SART3: variants seen among roughly 807,000 people sequenced by gnomAD.
SART3 encodes spliceosome associated factor 3, U4/U6 recycling protein, also known as HIV-1 Tat-interacting protein of 110kDa.
In SART3, 44 loss-of-function variants were observed where a neutral mutation model predicts 122.3. The observed-to-expected ratio is 0.36, with a 90% CI of 0.28 to 0.46. The LOEUF (loss-of-function observed/expected upper bound fraction) is 0.46. Ranked by LOEUF, SART3 falls within the 20% of genes least tolerant of loss-of-function variation. The probability of loss-of-function intolerance (pLI) is 1.00; values close to 1 mark genes in which losing one functional copy is unlikely to be tolerated. For missense variants in SART3, 1,101 were observed against 1,229.0 expected (o/e 0.90, Z 1.56); for synonymous variants, 442 against 454.0 (o/e 0.97, Z 0.34).
intron 12 of SART3, among the ~76,000 whole-genome samples, chr12:108,533,748 C>T (rs1020179527): frequency 3.3e-5 from 5 of 152,116 alleles, no homozygotes; most frequent in African/African-American, 1.2e-4. Context: ...TGAAATATGT[C>T]AACATTGGAA....
rs1008612212 is a variant in SART3, at chr12:108,537,600, A to G, written c.1202-5T>C. ...TCAAAGCTTTCTCGAAGGTTACTGGAGTTGGAGAAAAGTCAGGATTTGTTA... is the reference window on the plus strand; with the variant it reads ...TCAAAGCTTTCTCGAAGGTTACTGGGGTTGGAGAAAAGTCAGGATTTGTTA... On this transcript the variant is annotated splice_region_variant and splice_polypyrimidine_tract_variant and intron_variant, in intron 8 of 18. Coordinates refer to ENST00000546815, the MANE Select transcript of SART3 (RefSeq NM_014706.4). 20 of 1,612,146 alleles carry G rather than the reference A, an allele frequency of 1.2e-5. No individual in the cohort carries two copies. Among genetic ancestry groups the G allele is most frequent in the East Asian group, 4.5e-5 (2 of 44,854 alleles).
At position 108,525,511 on chromosome 12, in the gene SART3, A is replaced by G; in HGVS notation, c.2469T>C (p.Ala823=). 6.2e-7 allele frequency: 1 copy of G among 1,614,188 alleles called. No individual in the cohort carries two copies. The highest frequency in any genetic ancestry group is 8.5e-7 in the Non-Finnish European group (1 of 1,180,030). ...TKEELEEICK[A]HGTVKDLRLV... ...GCCTGAGGTCCTTCACGGTGCCATGAGCCTTACAGATTTCTTCTAGTTCCT... is the reference window on the plus strand; with the variant it reads ...GCCTGAGGTCCTTCACGGTGCCATGGGCCTTACAGATTTCTTCTAGTTCCT... The change falls in exon 17 of 19, where the codon GCT becomes GCC. Residue 823 remains alanine (A), a synonymous_variant. Coordinates refer to ENST00000546815, the MANE Select transcript of SART3 (RefSeq NM_014706.4).
chr12:108,543,290 A>G (rs965674395), intron 5 of SART3, 138 bp from the exon 6 acceptor site: 2 of 1,018,912 alleles, frequency 2.0e-6, no homozygotes, highest in Non-Finnish European at 2.9e-6. Context: ...TCAAATTCTG[A>G]TTTCTGCTGA....
At chr12:108,536,631 GA>G (rs1328420366) in intron 10 of SART3, 59 bp from the exon 11 acceptor site, 2 of 1,609,164 alleles carry the variant, frequency 1.2e-6, no homozygotes, top group African/African-American at 1.3e-5. Flanking sequence ...GTCGCTGGCT[GA>G]AAAGGTACAT....
At chr12:108,531,874 G>A (rs1053799896) in intron 13 of SART3, 2 of 352,014 alleles carry the variant, frequency 5.7e-6, no homozygotes, top group Non-Finnish European at 1.1e-5. Flanking sequence ...GCAATGTTAA[G>A]AGACATTTCT....
Position 108,548,011 on chromosome 12 carries a change from C to T in SART3, c.440-20G>A, listed in dbSNP as rs745350295. The T allele has an allele frequency of 3.1e-6, 5 of 1,599,500 alleles. No homozygotes were observed. Among genetic ancestry groups the T allele is most frequent in the Non-Finnish European group, 4.3e-6 (5 of 1,169,968 alleles). On this transcript the variant is annotated intron_variant, in intron 2 of 18. Coordinates refer to ENST00000546815, the MANE Select transcript of SART3 (RefSeq NM_014706.4). ...AGAGCTCTACGAGACAAAAATACTT[C>T]CCGCATTAATACCAAAGGGTAGGCT... is the stretch of plus-strand genomic sequence containing the variant.
intron 12 of SART3, among the ~76,000 whole-genome samples, chr12:108,534,552 C>G (rs558114797): frequency 6.6e-6 from 1 of 151,420 alleles, no homozygotes; most frequent in Non-Finnish European, 1.5e-5. Flanking sequence ...TGGTGGTGCA[C>G]GCCTGTAATC....
intron 2 of SART3, among the ~76,000 whole-genome samples, chr12:108,548,192 T>C (rs1383075838): frequency 6.6e-6 from 1 of 152,200 alleles, no homozygotes; most frequent in African/African-American, 2.4e-5. Flanking sequence ...AAAATCATAA[T>C]ATCCTCCACC....
rs371173853 is a variant in SART3, at chr12:108,545,140, C to A, written c.728G>T (p.Arg243Leu). Residue 243 changes from arginine to leucine, a missense_variant and splice_region_variant, in exon 4 of 19, where the codon CGG becomes CTG. Around this residue, in one of 2 missense-constraint regions of SART3, gnomAD observed 885 missense variants for 1,080.1 expected, o/e 0.82. Transcript: ENST00000546815. ...EFESAIVEAA[R>L]LEKVHSLFRR... ...TCAGAGACAACCACAGGTACTCACCCGAGCAGCTTCCACAATCGCACTTTC... is the reference window on the plus strand; with the variant it reads ...TCAGAGACAACCACAGGTACTCACCAGAGCAGCTTCCACAATCGCACTTTC... 3.7e-6 allele frequency: 6 copies of A among 1,613,920 alleles called. No individual in the cohort carries two copies. In the Admixed American group the frequency reaches 5.0e-5, roughly 13 times the overall value.
At position 108,546,778 on chromosome 12, in the gene SART3, C is replaced by G. The variant is rs570822257; in HGVS notation, c.544+1109G>C. ...TCAAGGGATCCGCCTGCCTCAGTCT[C>G]CCAAACTGCTGGGATTATAGGCATA... On this transcript the variant is annotated intron_variant, in intron 3 of 18. Transcript: ENST00000546815. Among the ~76,000 whole-genome samples the G allele has an allele frequency of 4.4e-4, 67 of 152,286 alleles. 1 individual carries two copies. In the East Asian group the frequency reaches 6.4e-3, roughly 14 times the overall value.
In SART3 at chr12:108,525,472, C is replaced by A; in HGVS notation, c.2508G>T (p.Arg836=). Residue 836 remains arginine, a synonymous_variant, in exon 17 of 19, where the codon CGG becomes CGT. Transcript: ENST00000546815. The part of the protein sequence containing the change: ...TVKDLRLVTN[R]AGKPKGLAYV... ...TGACTCTGACCTTTGGTTTGCCAGC[C>A]CGGTTGGTGACCAGCCTGAGGTCCT... 1.1e-5 allele frequency: 18 copies of A among 1,614,176 alleles called. No homozygotes were observed. Among genetic ancestry groups the A allele is most frequent in the Non-Finnish European group, 1.5e-5 (18 of 1,180,046 alleles).
Position 108,538,111 on chromosome 12 carries a change from G to A in SART3, c.1155C>T (p.Tyr385=). 1.2e-6 allele frequency: 2 copies of A among 1,614,178 alleles called. No homozygotes were observed. Among genetic ancestry groups the A allele is most frequent in the East Asian group, 2.2e-5 (1 of 44,888 alleles). The change falls in exon 8 of 19, where the codon TAC becomes TAT. Residue 385 remains tyrosine (Y), a synonymous_variant. Transcript: ENST00000546815. ...CTCCATGTCTCTCCATGGCCAAGAG[G>A]TACCGACTCCATAAGGCAACTGTCC... is the stretch of plus-strand genomic sequence containing the variant. ...CPWTVALWSR[Y]LLAMERHGVD...
chr12:108,523,773 C>T (rs1872241496), intron 18 of SART3, 139 bp from the exon 19 acceptor site: 9 of 804,798 alleles, frequency 1.1e-5, no homozygotes, highest in Non-Finnish European at 1.8e-5. Context: ...TAATCCCTGC[C>T]TCCTTAATTC....
At position 108,523,430 on chromosome 12, in the gene SART3, G is replaced by A. The variant is rs774319167; in HGVS notation, c.*27C>T. On this transcript the variant is annotated 3_prime_UTR_variant, in exon 19 of 19. Transcript: ENST00000546815. ...GGTCCGCCGGGCCAGAGTGAAGTAA[G>A]GCATTTCCTGTCTCCCAGCGTCCCG... The A allele has an allele frequency of 6.8e-6, 11 of 1,611,274 alleles. No individual in the cohort carries two copies. The highest frequency in any genetic ancestry group is 9.3e-6 in the Non-Finnish European group (11 of 1,179,202).
intron 1 of SART3, among the ~76,000 whole-genome samples, chr12:108,554,856 A>G (rs1302030630): frequency 6.6e-6 from 1 of 152,118 alleles, no homozygotes; most frequent in Admixed American, 6.5e-5. Flanking sequence ...GTCAGATGAT[A>G]TCAATGTATA....
At chr12:108,550,678 T>C (rs972026795) in intron 1 of SART3, among the ~76,000 whole-genome samples, 3 of 152,128 alleles carry the variant, frequency 2.0e-5, no homozygotes, top group Admixed American at 6.6e-5. Flanking sequence ...CTGGCCAACA[T>C]GGTGAAACCC....
At chr12:108,549,501 T>C (rs1462300305) in intron 1 of SART3, among the ~76,000 whole-genome samples, 1 of 152,170 alleles carries the variant, frequency 6.6e-6, no homozygotes, top group Non-Finnish European at 1.5e-5. Context: ...AAATAAAAAG[T>C]ATGTGACCTT....
intron 15 of SART3, among the ~76,000 whole-genome samples, chr12:108,527,543 G>C (rs563717745): frequency 7.9e-5 from 12 of 152,280 alleles, no homozygotes; most frequent in East Asian, 3.9e-4. Context: ...GCCATGCCCT[G>C]ATCACACACC....
chr12:108,536,293 A>G (rs1198280199), intron 11 of SART3, among the ~76,000 whole-genome samples: 3 of 152,276 alleles, frequency 2.0e-5, no homozygotes, highest in Admixed American at 6.5e-5. Flanking sequence ...CACAACTTCT[A>G]GCTGGGAGCT....
Sources: gnomAD v4.1 joint callset for allele counts (sites outside exome capture counted in the v4.1 genomes callset) on GRCh38, gnomAD v4.1.1 for gene constraint, gnomAD v4.1.1 regional missense constraint, MANE v1.5 for transcripts, NCBI Gene and HGNC (gene_info 2026-07-23, HGNC 2026-07-21) for gene names.